RORA: variants seen among roughly 807,000 people sequenced by gnomAD.
The protein encoded by RORA is RAR related orphan receptor A.
Under a neutral mutation model 69.5 loss-of-function variants are expected in RORA, and 7 were observed. That is an observed-to-expected ratio of 0.10 (90% CI 0.06 to 0.19). RORA has a LOEUF of 0.19. RORA is among the 10% of genes least tolerant of loss of function. RORA has a pLI of 1.00. For synonymous variants in RORA, 261 were observed against 240.8 expected, an observed-to-expected ratio of 1.08 and a Z score of -0.78; for missense variants, 457 against 663.0, an observed-to-expected ratio of 0.69 and a Z score of 3.41.
At chr15:60,579,064 GT>G (rs869076097) in intron 2 of RORA, among the ~76,000 whole-genome samples, 17,549 of 129,666 alleles carry the variant, frequency 0.14, 2,511 homozygotes, top group African/African-American at 0.38. Context: ...ACCGCGCCCG[GT>G]TTTTTTTTTT....
At chr15:60,901,789 T>A (rs528807011) in intron 1 of RORA, among the ~76,000 whole-genome samples, 1 of 152,332 alleles carries the variant, frequency 6.6e-6, no homozygotes, top group South Asian at 2.1e-4. Flanking sequence ...ATGGTCCTGT[T>A]TTATAATACA....
chr15:61,204,020 C>T (rs1365097604), intron 1 of RORA, among the ~76,000 whole-genome samples: 1 of 152,194 alleles, frequency 6.6e-6, no homozygotes, highest in Non-Finnish European at 1.5e-5. Flanking sequence ...AGACTGAGTA[C>T]CCACTATGTG....
At chr15:60,838,404 C>A (rs939846065) in intron 1 of RORA, among the ~76,000 whole-genome samples, 1 of 152,166 alleles carries the variant, frequency 6.6e-6, no homozygotes, top group African/African-American at 2.4e-5. Flanking sequence ...AGAGGAACAT[C>A]CTGCCACCTG....
At chr15:61,016,444 G>A (rs1895292096) in intron 1 of RORA, among the ~76,000 whole-genome samples, 1 of 152,184 alleles carries the variant, frequency 6.6e-6, no homozygotes, top group African/African-American at 2.4e-5. Context: ...GGTTCCAAAG[G>A]TTTGGGAAAT....
rs1894145079 is a variant in RORA, at chr15:60,984,698, T to C, written c.166+244355A>G. Among the ~76,000 whole-genome samples the C allele has an allele frequency of 2.6e-5, 4 of 152,094 alleles. No individual in the cohort carries two copies. The South Asian group carries it at 8.3e-4, about 32-fold the overall frequency. On this transcript the variant is annotated intron_variant, in intron 1 of 10. Coordinates refer to ENST00000335670, the MANE Select transcript of RORA (RefSeq NM_134261.3). ...AAATACAGAAATTGAGAGTAGTGTT[T>C]AGAAACTTACAGCACTTTGACAATG... is the stretch of plus-strand genomic sequence containing the variant.
At chr15:60,638,252 G>T (rs1329710088) in intron 2 of RORA, among the ~76,000 whole-genome samples, 1 of 152,152 alleles carries the variant, frequency 6.6e-6, no homozygotes, top group Admixed American at 6.5e-5. Flanking sequence ...AATTACGACA[G>T]TCCTGGTGGG....
chr15:60,495,620 A>G lies in RORA; in HGVS notation c.*1835T>C, dbSNP rs911436297. On this transcript the variant is annotated 3_prime_UTR_variant, in exon 11 of 11. Transcript: ENST00000335670. ...TGTAGAAGATTCCGCAGGGACCCCA[A>G]TGGCAGAGGAGACTATTTCTCAGAC... 6.6e-6 allele frequency: 1 copy of G among 152,316 alleles called. No individual in the cohort carries two copies. Among genetic ancestry groups the G allele is most frequent in the Non-Finnish European group, 1.5e-5 (1 of 68,030 alleles). The allele number at this position is 152,316 out of a possible 1,614,324, so 9.4% of individuals were successfully genotyped here.
Position 61,190,022 on chromosome 15 carries a change from T to TA in RORA, c.166+39030dup, listed in dbSNP as rs771615237. On this transcript the variant is annotated intron_variant, in intron 1 of 10. Transcript: ENST00000335670. ...CCAGGTGAAATTTTGCAATTTTTAA[T>TA]AAAAAGAATAAATGAGATTTATATC... Among the ~76,000 whole-genome samples, 47 of 152,202 alleles carry TA rather than the reference T, an allele frequency of 3.1e-4. No individual in the cohort carries two copies. In the Middle Eastern group the frequency reaches 0.02, roughly 66 times the overall value.
At chr15:60,677,125 G>T in intron 2 of RORA, 1 of 455,678 alleles carries the variant, frequency 2.2e-6, no homozygotes, top group South Asian at 1.6e-5. Flanking sequence ...CCAGGACTGA[G>T]CTAGCAGAAA....
chr15:61,144,843 T>C (rs116017279), intron 1 of RORA, among the ~76,000 whole-genome samples: 45 of 152,294 alleles, frequency 3.0e-4, no homozygotes, highest in African/African-American at 1.0e-3. Context: ...GTTATTAACA[T>C]TGGCTACTTT....
chr15:61,129,453 T>G (rs2140838893), intron 1 of RORA, among the ~76,000 whole-genome samples: 1 of 151,248 alleles, frequency 6.6e-6, no homozygotes, highest in South Asian at 2.1e-4. Context: ...GGAGAGGAGG[T>G]TATGGGGGAT....
intron 1 of RORA, among the ~76,000 whole-genome samples, chr15:61,161,427 C>T (rs959953886): frequency 6.6e-6 from 1 of 152,152 alleles, no homozygotes; most frequent in African/African-American, 2.4e-5. Flanking sequence ...TGGGCAAGTG[C>T]TGAACCTCTC....
chr15:61,221,549 T>C (rs1367804799), intron 1 of RORA, among the ~76,000 whole-genome samples: 1 of 152,212 alleles, frequency 6.6e-6, no homozygotes, highest in Non-Finnish European at 1.5e-5. Context: ...AACATCACCA[T>C]TCTTATCACG....
At chr15:60,755,612 G>A (rs144906348) in intron 1 of RORA, among the ~76,000 whole-genome samples, 4,156 of 152,226 alleles carry the variant, frequency 0.027, 195 homozygotes, top group African/African-American at 0.096. Context: ...CAGTGTAAAA[G>A]TGTTCCTATT....
At chr15:60,661,652 G>A (rs1657794) in intron 2 of RORA, among the ~76,000 whole-genome samples, 89,005 of 152,012 alleles carry the variant, frequency 0.59, 27,266 homozygotes, top group South Asian at 0.79. Context: ...AACCTGAAAG[G>A]GCCCCCTCTT....
At chr15:61,055,974 C>T (rs1023771956) in intron 1 of RORA, among the ~76,000 whole-genome samples, 1 of 152,122 alleles carries the variant, frequency 6.6e-6, no homozygotes, top group African/African-American at 2.4e-5. Flanking sequence ...TAATTAAATG[C>T]AATGTCTTAG....
intron 2 of RORA, among the ~76,000 whole-genome samples, chr15:60,545,853 A>C (rs528109126): frequency 1.7e-4 from 26 of 152,332 alleles, no homozygotes; most frequent in African/African-American, 5.5e-4. Context: ...AAATGTCCTC[A>C]GTGGGGCAGG....
intron 1 of RORA, among the ~76,000 whole-genome samples, chr15:61,182,541 G>A (rs964368195): frequency 1.3e-5 from 2 of 152,216 alleles, no homozygotes; most frequent in Non-Finnish European, 2.9e-5. Flanking sequence ...ACAGAGCATC[G>A]CATGAAGCCA....
chr15:60,582,100 A>C (rs1241309689), intron 2 of RORA, among the ~76,000 whole-genome samples: 1 of 152,224 alleles, frequency 6.6e-6, no homozygotes, highest in Admixed American at 6.5e-5. Context: ...GCTTTAGGCT[A>C]CAATTTGATA....
Sources: gnomAD v4.1 joint callset for allele counts (sites outside exome capture counted in the v4.1 genomes callset) on GRCh38, gnomAD v4.1.1 for gene constraint, MANE v1.5 for transcripts, NCBI Gene and HGNC (gene_info 2026-07-23, HGNC 2026-07-21) for gene names.